The following PCLO variants were observed in gnomAD, a reference collection of about 807,000 sequenced individuals.
The protein encoded by PCLO is piccolo presynaptic cytomatrix protein.
In PCLO, 82 loss-of-function variants were observed where a neutral mutation model predicts 427.5. The observed-to-expected ratio is 0.19, with a 90% CI of 0.16 to 0.23. The LOEUF is 0.23. PCLO is among the 10% of genes least tolerant of loss of function. PCLO has a pLI of 1.00. For missense variants in PCLO, 6,239 were observed against 6,115.9 expected (o/e 1.02, Z -0.67); for synonymous variants, 2,357 against 2,155.4 (o/e 1.09, Z -2.59).
intron 16 of PCLO, among the ~76,000 whole-genome samples, chr7:82,828,363 TA>T (rs2115690291): frequency 6.6e-6 from 1 of 152,192 alleles, no homozygotes; most frequent in Non-Finnish European, 1.5e-5. Context: ...AAAGCAAAAC[TA>T]AAACATTGTA....
At chr7:83,112,928 C>T (rs111600564) in intron 3 of PCLO, among the ~76,000 whole-genome samples, 144 of 152,242 alleles carry the variant, frequency 9.5e-4, no homozygotes, top group Non-Finnish European at 1.9e-3. Flanking sequence ...TGTCCTCTAA[C>T]ATCAAAATTC....
intron 6 of PCLO, among the ~76,000 whole-genome samples, chr7:82,925,036 A>G (rs1335202006): frequency 2.0e-5 from 3 of 152,128 alleles, no homozygotes; most frequent in African/African-American, 4.8e-5. Flanking sequence ...TATTTCAACT[A>G]TCTTCATCCA....
chr7:82,927,238 T>G (rs2116323709), intron 6 of PCLO, among the ~76,000 whole-genome samples: 1 of 152,344 alleles, frequency 6.6e-6, no homozygotes, highest in African/African-American at 2.4e-5. Flanking sequence ...GGTTTTCATC[T>G]ATAACTTTTA....
chr7:82,816,797 C>G (rs1194635412), intron 20 of PCLO, among the ~76,000 whole-genome samples: 1 of 151,942 alleles, frequency 6.6e-6, no homozygotes, highest in Non-Finnish European at 1.5e-5. Context: ...TGGACCAGAC[C>G]AAAGTATGCA....
chr7:82,919,455 C>A (rs1458594951), intron 6 of PCLO, among the ~76,000 whole-genome samples: 1 of 151,902 alleles, frequency 6.6e-6, no homozygotes, highest in African/African-American at 2.4e-5. Flanking sequence ...GTGGTGAGAT[C>A]TGTTTCATTC....
intron 3 of PCLO, among the ~76,000 whole-genome samples, chr7:83,023,644 C>CA (rs1392167608): frequency 9.2e-5 from 14 of 152,320 alleles, no homozygotes; most frequent in African/African-American, 3.4e-4. Context: ...ACCTTTTCAG[C>CA]AACAGTATTT....
At chr7:82,882,920 A>G (rs1216735977) in intron 9 of PCLO, among the ~76,000 whole-genome samples, 1 of 152,118 alleles carries the variant, frequency 6.6e-6, no homozygotes, top group Non-Finnish European at 1.5e-5. Flanking sequence ...CTGGTATTTT[A>G]AAGTATCACA....
chr7:83,028,047 A>G (rs1788552356), intron 3 of PCLO, among the ~76,000 whole-genome samples: 1 of 148,628 alleles, frequency 6.7e-6, no homozygotes, highest in Admixed American at 6.7e-5. Flanking sequence ...AAACTGGCAC[A>G]AGACAGGGAT....
In PCLO at chr7:82,954,484, T is replaced by C; in HGVS notation, c.6469A>G (p.Ile2157Val). Residue 2157 changes from isoleucine to valine, a missense_variant, in exon 5 of 25, where the codon ATT becomes GTT. Around this residue, in one of 5 missense-constraint regions of PCLO, gnomAD observed 4,677 missense variants for 4,468.4 expected, o/e 1.05. Transcript: ENST00000333891. ...TDYTREIQEI[I>V]AHESLILTYS... ...GTCAAAATCAGCGATTCATGGGCAATTATCTCTTGAATTTCTCTTGTATAA... is the reference window on the plus strand; with the variant it reads ...GTCAAAATCAGCGATTCATGGGCAACTATCTCTTGAATTTCTCTTGTATAA... 1 of 1,613,968 alleles carries C rather than the reference T, an allele frequency of 6.2e-7. No homozygotes were observed.
intron 3 of PCLO, among the ~76,000 whole-genome samples, chr7:83,084,328 T>TA (rs1159565368): frequency 6.6e-6 from 1 of 152,030 alleles, no homozygotes; most frequent in Non-Finnish European, 1.5e-5. Context: ...CTCAAGTATA[T>TA]AAAAAAATCT....
intron 2 of PCLO, among the ~76,000 whole-genome samples, chr7:83,139,060 G>A (rs184669500): frequency 3.7e-4 from 56 of 151,922 alleles, no homozygotes; most frequent in African/African-American, 1.2e-3. Context: ...ATATAATAGC[G>A]GAAAATATAG....
chr7:82,759,388 T>C (rs918869535), intron 24 of PCLO, among the ~76,000 whole-genome samples: 5 of 151,920 alleles, frequency 3.3e-5, no homozygotes, highest in Non-Finnish European at 7.4e-5. Context: ...GCGAAAACTT[T>C]TATGCTTCTT....
intron 3 of PCLO, among the ~76,000 whole-genome samples, chr7:83,129,333 G>GT (rs543850252): frequency 6.6e-5 from 10 of 150,912 alleles, no homozygotes; most frequent in Middle Eastern, 3.4e-3. Flanking sequence ...ACATCGCACA[G>GT]TTTTTTTTTC....
chr7:82,840,457 A>G (rs1209821002), intron 14 of PCLO, among the ~76,000 whole-genome samples: 1 of 152,202 alleles, frequency 6.6e-6, no homozygotes, highest in Non-Finnish European at 1.5e-5. Context: ...ATTCTTTTCA[A>G]ATAGTCTCTC....
At chr7:82,901,089 C>T (rs1794026956) in intron 9 of PCLO, among the ~76,000 whole-genome samples, 1 of 151,774 alleles carries the variant, frequency 6.6e-6, no homozygotes, top group Admixed American at 6.6e-5. Context: ...TTTCTTAATA[C>T]AGCAATAACT....
At chr7:82,893,113 C>T (rs1035789616) in intron 9 of PCLO, among the ~76,000 whole-genome samples, 11 of 152,180 alleles carry the variant, frequency 7.2e-5, no homozygotes, top group Non-Finnish European at 1.5e-4. Flanking sequence ...GCTATAAAGA[C>T]ACATGCACAC....
intron 3 of PCLO, among the ~76,000 whole-genome samples, chr7:82,972,024 A>G (rs1234946213): frequency 6.6e-6 from 1 of 151,796 alleles, no homozygotes; most frequent in East Asian, 1.9e-4. Flanking sequence ...AAATTATGAG[A>G]CCAATCACCG....
chr7:83,099,908 T>C (rs879686596), intron 3 of PCLO, among the ~76,000 whole-genome samples: 1 of 152,210 alleles, frequency 6.6e-6, no homozygotes, highest in Admixed American at 6.5e-5. Context: ...TAAAGCCATT[T>C]TGAAGAGGTT....
At chr7:82,784,789 C>T (rs577476451) in intron 22 of PCLO, among the ~76,000 whole-genome samples, 4 of 152,112 alleles carry the variant, frequency 2.6e-5, no homozygotes, top group African/African-American at 4.8e-5. Context: ...CTGTGAATCT[C>T]ATTATTTGTA....
Sources: gnomAD v4.1 joint callset for allele counts (sites outside exome capture counted in the v4.1 genomes callset) on GRCh38, gnomAD v4.1.1 for gene constraint, gnomAD v4.1.1 regional missense constraint, MANE v1.5 for transcripts, NCBI Gene and HGNC (gene_info 2026-07-23, HGNC 2026-07-21) for gene names.